Variants in GPER1 observed in about 807,000 individuals in gnomAD.
GPER1 encodes the protein G protein-coupled receptor 30.
In GPER1, 2 loss-of-function variants were observed where a neutral mutation model predicts 0.6. The observed-to-expected ratio is 3.41, with a 90% CI of 1.39 to 10.72. GPER1 has a LOEUF of 10.72. Among genes scored for constraint, GPER1 ranks in the 30% most tolerant of loss-of-function variants. GPER1 has a pLI of 0.04. For synonymous variants in GPER1, 263 were observed against 247.6 expected (o/e 1.06, Z -0.58); for missense variants, 441 against 535.2 (o/e 0.82, Z 1.74).
chr7:1,087,583 G>A (rs1378099786), upstream of GPER1, among the ~76,000 whole-genome samples: 1 of 152,148 alleles, frequency 6.6e-6, no homozygotes, highest in South Asian at 2.1e-4. Flanking sequence ...GTGTCACGAC[G>A]CTCCAACAGT....
chr7:1,087,177 G>T (rs1787465919), upstream of GPER1: 1 of 152,280 alleles, frequency 6.6e-6, no homozygotes, highest in Non-Finnish European at 1.5e-5. Flanking sequence ...ACGAGACTGT[G>T]AAATCCGCAA....
chr7:1,092,888 G>A lies in GPER1; in HGVS notation c.*32G>A, dbSNP rs759274564. 1 of 1,596,058 alleles carries A rather than the reference G, an allele frequency of 6.3e-7. No individual in the cohort carries two copies. Among genetic ancestry groups the A allele is most frequent in the African/African-American group, 1.3e-5 (1 of 74,790 alleles). ...TTGGCCGCATAGGCCCAGCCAGGGT[G>A]TGACTCGGGAGCTGCACACACCTGG... On this transcript the variant is annotated 3_prime_UTR_variant, in exon 2 of 2. Coordinates refer to ENST00000397088, the MANE Select transcript of GPER1 (RefSeq NM_001098201.3).
In GPER1 at chr7:1,092,456, G is replaced by A; in HGVS notation, c.728G>A (p.Arg243Lys). 6.2e-7 allele frequency: 1 copy of A among 1,608,236 alleles called. No individual in the cohort carries two copies. The highest frequency in any genetic ancestry group is 8.5e-7 in the Non-Finnish European group (1 of 1,179,418). Residue 243 changes from arginine (R) to lysine (K), a missense_variant, in exon 2 of 2, where the codon AGG becomes AAG. Physicochemically the swap from Arg to Lys is conservative, Grantham distance 26 (BLOSUM62 2). Transcript: ENST00000397088. ...TCCCTCATTGTCCGGGTGCTGGTCAGGGCGCACCGGCACCGTGGGCTGCGG... is the reference window on the plus strand; with the variant it reads ...TCCCTCATTGTCCGGGTGCTGGTCAAGGCGCACCGGCACCGTGGGCTGCGG... ...CYSLIVRVLV[R>K]AHRHRGLRPR...
Position 1,091,667 on chromosome 7 carries a change from C to A in GPER1, c.-62C>A. ...ACGCTTCTTTCTAAAGATGGATTCA[C>A]CATTTAAAACAGAGCTCTGGGAGCC... On this transcript the variant is annotated 5_prime_UTR_variant, in exon 2 of 2. Transcript: ENST00000397088. 1 of 1,164,254 alleles carries A rather than the reference C, an allele frequency of 8.6e-7. No individual in the cohort carries two copies. The highest frequency in any genetic ancestry group is 1.2e-6 in the Non-Finnish European group (1 of 815,568). The allele number at this position is 1,164,254 out of a possible 1,614,324, so 72.1% of individuals were successfully genotyped here.
Position 1,088,944 on chromosome 7 carries a change from G to C in GPER1, c.-323+623G>C, listed in dbSNP as rs1563098070. Among the ~76,000 whole-genome samples the C allele has an allele frequency of 6.6e-6, 1 of 151,978 alleles. No individual in the cohort carries two copies. The highest frequency in any genetic ancestry group is 2.4e-5 in the African/African-American group (1 of 41,366). ...TCTCGGTGTCTGGCAACGATCAAAA[G>C]ACTCAATTTACATGGGAAAGAAATG... On this transcript the variant is annotated intron_variant, in intron 1 of 1. Transcript: ENST00000397088. The surrounding 1 kb of genome is among the most constrained non-coding windows in gnomAD (Gnocchi z 4.5).
Position 1,091,726 on chromosome 7 carries a change from G to C in GPER1, c.-3G>C. 6.6e-7 allele frequency: 1 copy of C among 1,523,904 alleles called. No homozygotes were observed. The highest frequency in any genetic ancestry group is 8.8e-7 in the Non-Finnish European group (1 of 1,135,084). 94.4% of individuals were successfully genotyped at this position (1,523,904 alleles called of 1,614,324 possible). ...AATCTTGAAAGCTGCACGGTGCAGA[G>C]ACATGGATGTGACTTCCCAAGCCCG... On this transcript the variant is annotated 5_prime_UTR_variant, in exon 2 of 2. Coordinates refer to ENST00000397088, the MANE Select transcript of GPER1 (RefSeq NM_001098201.3).
chr7:1,092,347 T>C lies in GPER1; in HGVS notation c.619T>C (p.Cys207Arg). The C allele has an allele frequency of 1.2e-6, 2 of 1,611,448 alleles. No homozygotes were observed. The highest frequency in any genetic ancestry group is 1.7e-6 in the Non-Finnish European group (2 of 1,179,364). ...GCAGCACACCGACGAGGCCTGCTTC[T>C]GTTTCGCGGATGTCCGGGAGGTGCA... ...HLQHTDEACF[C>R]FADVREVQWL... Residue 207 changes from cysteine (C) to arginine (R), a missense_variant, in exon 2 of 2, where the codon TGT becomes CGT. Transcript: ENST00000397088.
In GPER1 at chr7:1,093,333, C is replaced by T. The variant is rs1583800275; in HGVS notation, c.*477C>T. The stretch of plus-strand genomic sequence containing the variant: ...GTGCTGGTGGGTCTGAGCTGGACGT[C>T]GCGGTGTGTCCTCTGTGCCCACGGT... On this transcript the variant is annotated 3_prime_UTR_variant, in exon 2 of 2. Coordinates refer to ENST00000397088, the MANE Select transcript of GPER1 (RefSeq NM_001098201.3). 1 of 422,346 alleles carries T rather than the reference C, an allele frequency of 2.4e-6. No homozygotes were observed. Among genetic ancestry groups the T allele is most frequent in the South Asian group, 1.8e-5 (1 of 55,706 alleles). The allele number at this position is 422,346 out of a possible 1,614,324, so 26.2% of individuals were successfully genotyped here.
Position 1,091,829 on chromosome 7 carries a change from C to T in GPER1, c.101C>T (p.Ser34Phe). 6.2e-7 allele frequency: 1 copy of T among 1,606,176 alleles called. No individual in the cohort carries two copies. The highest frequency in any genetic ancestry group is 8.5e-7 in the Non-Finnish European group (1 of 1,174,452). ...PNTTSPELNLSHPLLGTALAN... is the reference protein window; with the variant it reads ...PNTTSPELNLFHPLLGTALAN... ...ACCACCTCCCCCGAGCTCAACCTGTCCCACCCGCTCCTGGGCACCGCCCTG... is the reference window on the plus strand; with the variant it reads ...ACCACCTCCCCCGAGCTCAACCTGTTCCACCCGCTCCTGGGCACCGCCCTG... Residue 34 changes from serine to phenylalanine, a missense_variant, in exon 2 of 2, where the codon TCC becomes TTC. Physicochemically the swap from Ser to Phe is radical, Grantham distance 155. Transcript: ENST00000397088.
chr7:1,091,449 G>A lies in GPER1; in HGVS notation c.-280G>A. 1 of 448,176 alleles carries A rather than the reference G, an allele frequency of 2.2e-6. No individual in the cohort carries two copies. The highest frequency in any genetic ancestry group is 4.0e-6 in the Non-Finnish European group (1 of 251,112). The allele number at this position is 448,176 out of a possible 1,614,324, so 27.8% of individuals were successfully genotyped here. A position where few individuals can be genotyped will look rare whatever the true frequency, so the allele number is the denominator to read the frequency against. ...AGCTCCACGCGGGACTGTGCACGGT[G>A]GCCGACACCCGCAGGGACGCCCGCC... On this transcript the variant is annotated 5_prime_UTR_variant, in exon 2 of 2. Coordinates refer to ENST00000397088, the MANE Select transcript of GPER1 (RefSeq NM_001098201.3).
chr7:1,092,678 G>T lies in GPER1; in HGVS notation c.950G>T (p.Ser317Ile), dbSNP rs1412751189. ...GTCAACCTCGCCGCCTTCTCCAACA[G>T]CTGCCTAAACCCCCTCATCTACAGC... is the stretch of plus-strand genomic sequence containing the variant. ...HIVNLAAFSN[S>I]CLNPLIYSFL... Residue 317 changes from serine to isoleucine, a missense_variant, in exon 2 of 2, where the codon AGC (serine) becomes ATC (isoleucine). Ser to Ile is a moderately radical substitution (Grantham distance 142). Coordinates refer to ENST00000397088, the MANE Select transcript of GPER1 (RefSeq NM_001098201.3). 6.2e-7 allele frequency: 1 copy of T among 1,613,338 alleles called. No individual in the cohort carries two copies. Among genetic ancestry groups the T allele is most frequent in the Admixed American group, 1.7e-5 (1 of 60,016 alleles).
intron 1 of GPER1, among the ~76,000 whole-genome samples, chr7:1,089,173 A>T (rs868357961): frequency 6.6e-5 from 10 of 152,210 alleles, no homozygotes; most frequent in African/African-American, 2.4e-4. Context: ...CGAAATGCGG[A>T]GTCTTTCAAC....
At position 1,092,643 on chromosome 7, in the gene GPER1, G is replaced by A. The variant is rs201386398; in HGVS notation, c.915G>A (p.Thr305=). 2.9e-5 allele frequency: 46 copies of A among 1,612,614 alleles called. No homozygotes were observed. In the East Asian group the frequency reaches 4.9e-4, roughly 17 times the overall value. ...CTTTCCGCCATGCCCACCCCCTCAC[G>A]GGCCACATTGTCAACCTCGCCGCCT... The part of the protein sequence containing the change: ...KQSFRHAHPL[T]GHIVNLAAFS... The change falls in exon 2 of 2, where the codon ACG becomes ACA. Residue 305 remains threonine, a synonymous_variant. Transcript: ENST00000397088.
chr7:1,091,476 G>C lies in GPER1; in HGVS notation c.-253G>C, dbSNP rs1787970336. 1 of 474,794 alleles carries C rather than the reference G, an allele frequency of 2.1e-6. No individual in the cohort carries two copies. The highest frequency in any genetic ancestry group is 4.1e-5 in the South Asian group (1 of 24,676). The allele number at this position is 474,794 out of a possible 1,614,324, so 29.4% of individuals were successfully genotyped here. A position where few individuals can be genotyped will look rare whatever the true frequency, so the allele number is the denominator to read the frequency against. On this transcript the variant is annotated 5_prime_UTR_variant, in exon 2 of 2. Coordinates refer to ENST00000397088, the MANE Select transcript of GPER1 (RefSeq NM_001098201.3). ...CCGACACCCGCAGGGACGCCCGCCG[G>C]ACGAGCACGCGGAGGGCCCTCGCCT...
Position 1,088,819 on chromosome 7 carries a change from C to G in GPER1, c.-323+498C>G, listed in dbSNP as rs1283834118. 6.6e-6 allele frequency among the ~76,000 whole-genome samples: 1 copy of G among 151,990 alleles called. No homozygotes were observed. The highest frequency in any genetic ancestry group is 1.5e-5 in the Non-Finnish European group (1 of 68,020). ...ACTGTTTATAACTCCATGGCCACCT[C>G]CAGTGAGGACGTGGGGCCAGTGGTG... On this transcript the variant is annotated intron_variant, in intron 1 of 1. Transcript: ENST00000397088. The surrounding 1 kb of genome is among the most constrained non-coding windows in gnomAD (Gnocchi z 4.5).
In GPER1 at chr7:1,088,595, T is replaced by C. The variant is rs1431052411; in HGVS notation, c.-323+274T>C. The stretch of plus-strand genomic sequence containing the variant: ...GGACCCAGTATTCCGTCACGTTCTG[T>C]CCCAGCAAGAACGTGTCTCACTTCA... On this transcript the variant is annotated intron_variant, in intron 1 of 1. Coordinates refer to ENST00000397088, the MANE Select transcript of GPER1 (RefSeq NM_001098201.3). This position sits in a 1 kb window ranked among gnomAD's most constrained non-coding sequence, Gnocchi z 4.5. Among the ~76,000 whole-genome samples, 1 of 152,002 alleles carries C rather than the reference T, an allele frequency of 6.6e-6. No homozygotes were observed. The highest frequency in any genetic ancestry group is 1.5e-5 in the Non-Finnish European group (1 of 67,980).
chr7:1,090,929 G>GT (rs1787910268), intron 1 of GPER1, among the ~76,000 whole-genome samples: 1 of 152,068 alleles, frequency 6.6e-6, no homozygotes, highest in Admixed American at 6.5e-5. Flanking sequence ...CTGTTTTATC[G>GT]TAAGAGAAGA....
chr7:1,092,459 C>G lies in GPER1; in HGVS notation c.731C>G (p.Ala244Gly), dbSNP rs145985656. The G allele has an allele frequency of 1.9e-6, 3 of 1,607,934 alleles. No individual in the cohort carries two copies. Among genetic ancestry groups the G allele is most frequent in the Non-Finnish European group, 2.5e-6 (3 of 1,179,358 alleles). Reference protein sequence around the residue: ...YSLIVRVLVRAHRHRGLRPRR... With the variant: ...YSLIVRVLVRGHRHRGLRPRR... ...CTCATTGTCCGGGTGCTGGTCAGGG[C>G]GCACCGGCACCGTGGGCTGCGGCCC... Residue 244 changes from alanine (A) to glycine (G), a missense_variant, in exon 2 of 2, where the codon GCG becomes GGG. By Grantham distance (60) the Ala-to-Gly change is moderately conservative. Transcript: ENST00000397088.
upstream of GPER1, among the ~76,000 whole-genome samples, chr7:1,087,678 A>G (rs1046507266): frequency 5.9e-5 from 9 of 152,172 alleles, no homozygotes; most frequent in Admixed American, 4.6e-4. Context: ...AGAAATGCCT[A>G]TTTCTTGGGA....
Sources: gnomAD v4.1 joint callset for allele counts (sites outside exome capture counted in the v4.1 genomes callset) on GRCh38, gnomAD v4.1.1 for gene constraint, Gnocchi (gnomAD v3.1) non-coding constraint, MANE v1.5 for transcripts, NCBI Gene and HGNC (gene_info 2026-07-23, HGNC 2026-07-21) for gene names.